The following SLC35F4 variants were observed in gnomAD, a reference collection of about 807,000 sequenced individuals.
The protein encoded by SLC35F4 is chromosome 14 open reading frame 36.
SLC35F4 carries 24 observed loss-of-function variants against 44.2 expected under a neutral mutation model. The ratio of observed to expected loss-of-function variants is 0.54; its 90% CI spans 0.39 to 0.76. The LOEUF (loss-of-function observed/expected upper bound fraction) is 0.76. Among genes scored for constraint, SLC35F4 ranks in the 30% least tolerant of loss-of-function variants. SLC35F4 has a pLI of 0.00. For synonymous variants in SLC35F4, 238 were observed against 223.6 expected (o/e 1.06, Z -0.57); for missense variants, 562 against 586.1 (o/e 0.96, Z 0.42).
At chr14:57,974,022 AC>A (rs1356770450), downstream of SLC35F4, among the ~76,000 whole-genome samples, 3 of 152,152 alleles carry the variant, frequency 2.0e-5, no homozygotes, top group East Asian at 5.8e-4. Flanking sequence ...TAAAACATCA[AC>A]CATTTTATTA....
At chr14:57,816,186 G>T (rs1882568317) in intron 1 of SLC35F4, among the ~76,000 whole-genome samples, 2 of 152,058 alleles carry the variant, frequency 1.3e-5, no homozygotes, top group South Asian at 2.1e-4. Flanking sequence ...TTGTCATTGG[G>T]CCCCATGCGT....
At chr14:57,668,210 A>T (rs1254603357) in intron 1 of SLC35F4, among the ~76,000 whole-genome samples, 4 of 150,690 alleles carry the variant, frequency 2.7e-5, no homozygotes, top group African/African-American at 7.4e-5. Flanking sequence ...GTTTGAGTTC[A>T]TTGTAGATTC....
At position 57,569,693 on chromosome 14, in the gene SLC35F4, C is replaced by T. The variant is rs78773882; in HGVS notation, c.1126+95G>A. 7.7e-4 allele frequency: 1,013 copies of T among 1,316,762 alleles called. 5 individuals carry two copies. The African/African-American group carries it at 0.013, about 17-fold the overall frequency. 81.6% of individuals were successfully genotyped at this position (1,316,762 alleles called of 1,614,324 possible). On this transcript the variant is annotated intron_variant, in intron 6 of 7. Coordinates refer to ENST00000556826, the MANE Select transcript of SLC35F4 (RefSeq NM_001306087.2). ...CAACATAAGTTTGGGAACTAGAGCA[C>T]AGAGTTACCCAAGGAAATAATCCTA... is the stretch of plus-strand genomic sequence containing the variant.
chr14:57,592,451 G>A (rs908064225), intron 2 of SLC35F4, among the ~76,000 whole-genome samples: 1 of 152,148 alleles, frequency 6.6e-6, no homozygotes, highest in Non-Finnish European at 1.5e-5. Flanking sequence ...AGTAACTTAT[G>A]TTCCAGATGA....
At chr14:57,645,306 G>A (rs1266079476) in intron 1 of SLC35F4, among the ~76,000 whole-genome samples, 120 of 152,222 alleles carry the variant, frequency 7.9e-4, no homozygotes, top group Non-Finnish European at 3.8e-4. Context: ...TTGAGCAGTG[G>A]TTTGTAGTTC....
chr14:57,662,401 TC>T (rs2074166883), intron 1 of SLC35F4, among the ~76,000 whole-genome samples: 1 of 152,076 alleles, frequency 6.6e-6, no homozygotes, highest in South Asian at 2.1e-4. Context: ...AGAAATGGGG[TC>T]TTTAAGAGGT....
At chr14:57,625,705 A>T (rs1033481120) in intron 1 of SLC35F4, among the ~76,000 whole-genome samples, 1 of 152,214 alleles carries the variant, frequency 6.6e-6, no homozygotes, top group African/African-American at 2.4e-5. Flanking sequence ...TGGAGAAAGG[A>T]TTCCCTATTT....
intron 4 of SLC35F4, chr14:57,580,958 T>C (rs1381054871): frequency 1.5e-5 from 5 of 323,548 alleles, no homozygotes; most frequent in East Asian, 9.8e-5. Flanking sequence ...AATTCTAATA[T>C]AGGAACTTGT....
chr14:57,617,070 T>C (rs915816934), intron 1 of SLC35F4, among the ~76,000 whole-genome samples: 1 of 152,072 alleles, frequency 6.6e-6, no homozygotes, highest in Non-Finnish European at 1.5e-5. Flanking sequence ...GATTAGACTC[T>C]TTCCCATTCA....
At chr14:57,662,373 T>C (rs1337056601) in intron 1 of SLC35F4, among the ~76,000 whole-genome samples, 2 of 152,200 alleles carry the variant, frequency 1.3e-5, no homozygotes, top group Non-Finnish European at 2.9e-5. Context: ...TATGGCAATA[T>C]TGAGAGTTGG....
rs114656469 is a variant in SLC35F4 at position 57,591,687 on chromosome 14, A to T, written c.290-2174T>A. ...CTGGGCCTTCAGCCCTTAGCTTTCC[A>T]TTCAGGCACTGCAAGTTTCAGACTA... On this transcript the variant is annotated intron_variant, in intron 2 of 7. Transcript: ENST00000556826. Among the ~76,000 whole-genome samples the T allele has an allele frequency of 3.7e-3, 559 of 152,328 alleles. 3 individuals are homozygous for T. The highest frequency in any genetic ancestry group is 0.013 in the African/African-American group (548 of 41,580).
chr14:57,595,458 C>T (rs2070435366), intron 1 of SLC35F4, among the ~76,000 whole-genome samples: 1 of 152,116 alleles, frequency 6.6e-6, no homozygotes, highest in East Asian at 1.9e-4. Flanking sequence ...TCTTCGGTAG[C>T]CAGTCACTAA....
intron 1 of SLC35F4, among the ~76,000 whole-genome samples, chr14:57,859,328 T>C (rs889489143): frequency 6.6e-6 from 1 of 152,058 alleles, no homozygotes; most frequent in African/African-American, 2.4e-5. Context: ...TTAAAGCCAC[T>C]TGCGTGTGTC....
intron 4 of SLC35F4, chr14:57,578,558 T>C (rs2068990927): frequency 6.6e-6 from 1 of 152,074 alleles, no homozygotes; most frequent in Non-Finnish European, 1.5e-5. Context: ...ATGCTGAATA[T>C]GTTTCAGTGC....
chr14:57,669,714 G>A (rs561326950), intron 1 of SLC35F4, among the ~76,000 whole-genome samples: 1 of 152,046 alleles, frequency 6.6e-6, no homozygotes, highest in South Asian at 2.1e-4. Context: ...TTTTTGATGT[G>A]CTGCTGGATT....
chr14:57,629,848 TG>T, intron 1 of SLC35F4: 4 of 339,516 alleles, frequency 1.2e-5, no homozygotes, highest in South Asian at 2.4e-5. Context: ...CAGCCGGAGA[TG>T]CAGACAGTTT....
intron 1 of SLC35F4, among the ~76,000 whole-genome samples, chr14:57,914,550 G>A (rs1363400921): frequency 6.6e-6 from 1 of 151,202 alleles, no homozygotes; most frequent in Admixed American, 6.6e-5. Flanking sequence ...GCAGCATAGC[G>A]AGACTCCGCC....
intron 1 of SLC35F4, among the ~76,000 whole-genome samples, chr14:57,967,449 G>A (rs1880907190): frequency 6.6e-6 from 1 of 152,116 alleles, no homozygotes; most frequent in Non-Finnish European, 1.5e-5. Flanking sequence ...ATTGTTTGGA[G>A]CATTTTTAAC....
intron 1 of SLC35F4, among the ~76,000 whole-genome samples, chr14:57,939,186 G>C (rs2141071739): frequency 6.6e-6 from 1 of 152,144 alleles, no homozygotes; most frequent in East Asian, 1.9e-4. Flanking sequence ...GTGTTGGTTT[G>C]GTAAGGTTCC....
Sources: allele counts gnomAD v4.1 joint callset (sites outside exome capture counted in the v4.1 genomes callset), GRCh38; gene constraint gnomAD v4.1.1; transcripts MANE v1.5; gene names NCBI Gene and HGNC (gene_info 2026-07-23, HGNC 2026-07-21).